The following CCDC27 variants were observed in gnomAD, a reference collection of about 807,000 sequenced individuals.
The protein encoded by CCDC27 is coiled-coil domain containing 27.
Under a neutral mutation model 80.3 loss-of-function variants are expected in CCDC27, and 80 were observed. That is an observed-to-expected ratio of 1.00 (90% CI 0.83 to 1.20). CCDC27 has a LOEUF of 1.20. Among genes scored for constraint, CCDC27 ranks in the 50% most tolerant of loss-of-function variants. CCDC27 has a pLI of 0.00. For missense variants in CCDC27, 815 were observed against 809.4 expected (o/e 1.01, Z -0.08); for synonymous variants, 342 against 334.3 (o/e 1.02, Z -0.25).
intron 11 of CCDC27, among the ~76,000 whole-genome samples, chr1:3,770,211 C>T (rs944691596): frequency 1.3e-5 from 2 of 152,166 alleles, no homozygotes; most frequent in African/African-American, 4.8e-5. Flanking sequence ...GAAGATTCTC[C>T]CACAGCAGGA....
At chr1:3,753,314 CTTTTTCTTTTTTTTT>C (rs1217486965) in intron 1 of CCDC27, among the ~76,000 whole-genome samples, 2 of 110,068 alleles carry the variant, frequency 1.8e-5, no homozygotes, top group Non-Finnish European at 3.8e-5. Flanking sequence ...TTCTTTTTTT[CTTTTTCTTTTTTTTT>C]TTTTTTTTTT....
rs1000921664 is a variant in CCDC27, at chr1:3,763,961, T to A, written c.1452+125T>A. On this transcript the variant is annotated intron_variant, in intron 8 of 11. Transcript: ENST00000294600. The surrounding 1 kb of genome is among the most constrained non-coding windows in gnomAD (Gnocchi z 7.5). ...TGATGGAGACTTTGAGCCTGGGGTG[T>A]CCAGGCAGCTGGCCCAGGGTTGTGC... is the stretch of plus-strand genomic sequence containing the variant. The A allele has an allele frequency of 8.4e-6, 12 of 1,421,714 alleles. No individual in the cohort carries two copies. The highest frequency in any genetic ancestry group is 1.1e-5 in the Non-Finnish European group (12 of 1,070,388). 88.1% of individuals were successfully genotyped at this position (1,421,714 alleles called of 1,614,324 possible). A position where few individuals can be genotyped will look rare whatever the true frequency, so the allele number is the denominator to read the frequency against.
Position 3,752,467 on chromosome 1 carries a change from C to T in CCDC27, c.-15C>T. 2 of 1,612,390 alleles carry T rather than the reference C, an allele frequency of 1.2e-6. No individual in the cohort carries two copies. The highest frequency in any genetic ancestry group is 2.2e-5 in the South Asian group (2 of 90,992). ...TGGAAGCTGATCTCCTCCCACTGCA[C>T]CAGCCAGCAGGTTCATGTTCGAGGC... On this transcript the variant is annotated 5_prime_UTR_variant, in exon 1 of 12. Coordinates refer to ENST00000294600, the MANE Select transcript of CCDC27 (RefSeq NM_152492.3).
intron 8 of CCDC27, among the ~76,000 whole-genome samples, chr1:3,764,569 A>T (rs1039527783): frequency 1.3e-5 from 2 of 152,220 alleles, no homozygotes; most frequent in Non-Finnish European, 2.9e-5. Context: ...TGTTGCACTG[A>T]CATCATTAGG....
intron 4 of CCDC27, among the ~76,000 whole-genome samples, chr1:3,758,403 G>T (rs1468159204): frequency 6.6e-6 from 1 of 151,304 alleles, no homozygotes; most frequent in African/African-American, 2.4e-5. Context: ...AGACAGGATG[G>T]TCTTGATCTC....
At chr1:3,755,800 T>C in intron 3 of CCDC27, 1 of 520,364 alleles carries the variant, frequency 1.9e-6, no homozygotes, top group Non-Finnish European at 3.5e-6. Context: ...TTAGTAAAAA[T>C]CGTAGTTGAA....
Position 3,762,658 on chromosome 1 carries a change from G to A in CCDC27, c.900G>A (p.Leu300=). ...ACGCTTCGCTGAAGCTGGGCAGGCT[G>A]AGCCTCCTGAAGGCCTTCTCCAGAC... The part of the protein sequence containing the change: ...LSDASLKLGR[L]SLLKAFSRHE... The change falls in exon 6 of 12, where the codon CTG becomes CTA. Residue 300 remains leucine, a synonymous_variant. Coordinates refer to ENST00000294600, the MANE Select transcript of CCDC27 (RefSeq NM_152492.3). 6.5e-7 allele frequency: 1 copy of A among 1,550,268 alleles called. No individual in the cohort carries two copies. Among genetic ancestry groups the A allele is most frequent in the Non-Finnish European group, 8.7e-7 (1 of 1,146,798 alleles).
chr1:3,769,191 T>C lies in CCDC27; in HGVS notation c.1744-592T>C, dbSNP rs1039748193. Among the ~76,000 whole-genome samples, 1 of 152,086 alleles carries C rather than the reference T, an allele frequency of 6.6e-6. No homozygotes were observed. The highest frequency in any genetic ancestry group is 1.5e-5 in the Non-Finnish European group (1 of 68,000). On this transcript the variant is annotated intron_variant, in intron 10 of 11. Transcript: ENST00000294600. This position sits in a 1 kb window ranked among gnomAD's most constrained non-coding sequence, Gnocchi z 4.6. ...TTCCTGGGAGGCACGATTAGCTACCTCTGGGGAGGCGGCTGCGGGTGTACA... is the reference window on the plus strand; with the variant it reads ...TTCCTGGGAGGCACGATTAGCTACCCCTGGGGAGGCGGCTGCGGGTGTACA...
At position 3,756,718 on chromosome 1, in the gene CCDC27, C is replaced by T. The variant is rs759066510; in HGVS notation, c.554-15C>T. 2.5e-6 allele frequency: 4 copies of T among 1,613,350 alleles called. No homozygotes were observed. Among genetic ancestry groups the T allele is most frequent in the South Asian group, 1.1e-5 (1 of 91,008 alleles). The stretch of plus-strand genomic sequence containing the variant: ...AAGGGTCTCATTTCTCACTTGGCCT[C>T]CGCTGTCGCCACAGGGTACCTCCTT... On this transcript the variant is annotated splice_polypyrimidine_tract_variant and intron_variant, in intron 3 of 11. Coordinates refer to ENST00000294600, the MANE Select transcript of CCDC27 (RefSeq NM_152492.3).
chr1:3,765,420 T>C (rs569682880), intron 8 of CCDC27, among the ~76,000 whole-genome samples: 1 of 152,232 alleles, frequency 6.6e-6, no homozygotes, highest in Non-Finnish European at 1.5e-5. Context: ...TATTGTTTTT[T>C]TATGGCCTTC....
rs778739204 is a variant in CCDC27, at chr1:3,763,521, C to G, written c.1321+47C>G. The G allele has an allele frequency of 1.3e-6, 2 of 1,553,230 alleles. No homozygotes were observed. Among genetic ancestry groups the G allele is most frequent in the East Asian group, 2.3e-5 (1 of 44,334 alleles). ...CTGGGCTTTGGCCACTCAGTGGTTC[C>G]CGGCCCAGGAGCTGGGACGCCCAGA... is the stretch of plus-strand genomic sequence containing the variant. On this transcript the variant is annotated intron_variant, in intron 7 of 11. Coordinates refer to ENST00000294600, the MANE Select transcript of CCDC27 (RefSeq NM_152492.3). The surrounding 1 kb of genome is among the most constrained non-coding windows in gnomAD (Gnocchi z 7.5).
rs1642967460 is a variant in CCDC27 at position 3,756,798 on chromosome 1, C to T, written c.619C>T (p.Gln207Ter). Residue 207 changes from glutamine to a stop codon, truncating the protein, a stop_gained, in exon 4 of 12, where the codon CAG becomes TAG. Transcript: ENST00000294600. LOFTEE classifies it high-confidence loss of function. ...TTACTTGCGGAAGAGGAGAAAATCCCAGACTTTGAGTCCGGTCACCAGCAG... is the reference window on the plus strand; with the variant it reads ...TTACTTGCGGAAGAGGAGAAAATCCTAGACTTTGAGTCCGGTCACCAGCAG... ...FDYLRKRRKS[Q>*]TLSPVTSSSV... 1.2e-6 allele frequency: 2 copies of T among 1,613,966 alleles called. No homozygotes were observed. The highest frequency in any genetic ancestry group is 2.2e-5 in the South Asian group (2 of 91,088).
chr1:3,768,490 C>G lies in CCDC27; in HGVS notation c.1743+1045C>G, dbSNP rs780191948. Among the ~76,000 whole-genome samples, 7 of 152,180 alleles carry G rather than the reference C, an allele frequency of 4.6e-5. No homozygotes were observed. The highest frequency in any genetic ancestry group is 1.0e-4 in the Non-Finnish European group (7 of 68,028). Reference sequence around the variant, plus strand: ...TTCCCACCAGAAATGCCAACTGCAACTCAACTGCGTCCTCTTTCCTGCTTG... The same window carrying G: ...TTCCCACCAGAAATGCCAACTGCAAGTCAACTGCGTCCTCTTTCCTGCTTG... On this transcript the variant is annotated intron_variant, in intron 10 of 11. Coordinates refer to ENST00000294600, the MANE Select transcript of CCDC27 (RefSeq NM_152492.3). This position sits in a 1 kb window ranked among gnomAD's most constrained non-coding sequence, Gnocchi z 5.6.
rs774192225 is a variant in CCDC27, at chr1:3,762,824, T to A, written c.954+112T>A. The A allele has an allele frequency of 9.4e-6, 10 of 1,067,052 alleles. No homozygotes were observed. In the East Asian group the frequency reaches 2.4e-4, roughly 25 times the overall value. The allele number at this position is 1,067,052 out of a possible 1,614,324, so 66.1% of individuals were successfully genotyped here. On this transcript the variant is annotated intron_variant, in intron 6 of 11. Coordinates refer to ENST00000294600, the MANE Select transcript of CCDC27 (RefSeq NM_152492.3). Reference sequence around the variant, plus strand: ...AAGTGTCCCTGCTGCAGCCCTGACCTGGGGTGCCCCACTCCAGGGGAGCAG... The same window carrying A: ...AAGTGTCCCTGCTGCAGCCCTGACCAGGGGTGCCCCACTCCAGGGGAGCAG...
chr1:3,767,074 C>T (rs1167233662), intron 9 of CCDC27, among the ~76,000 whole-genome samples, 159 bp from the exon 10 acceptor site: 2 of 152,090 alleles, frequency 1.3e-5, no homozygotes, highest in Non-Finnish European at 2.9e-5. Context: ...CTCTTAACCT[C>T]GTGATCCGCC....
chr1:3,764,897 T>C (rs1190982271), intron 8 of CCDC27, among the ~76,000 whole-genome samples: 4 of 151,882 alleles, frequency 2.6e-5, no homozygotes, highest in Non-Finnish European at 4.4e-5. Context: ...TTAACCGGTG[T>C]GATGGTGGAT....
Position 3,766,132 on chromosome 1 carries a change from C to T in CCDC27, c.1453-403C>T, listed in dbSNP as rs1464292119. ...CCACCCACCTCAGCCTTCTAAAGTG[C>T]TGGGATTACAGGTGTGAGCCACTGC... On this transcript the variant is annotated intron_variant, in intron 8 of 11. Transcript: ENST00000294600. This position sits in a 1 kb window ranked among gnomAD's most constrained non-coding sequence, Gnocchi z 6.1. 6.6e-6 allele frequency among the ~76,000 whole-genome samples: 1 copy of T among 152,236 alleles called. No individual in the cohort carries two copies. Among genetic ancestry groups the T allele is most frequent in the Non-Finnish European group, 1.5e-5 (1 of 68,046 alleles).
rs866088672 is a variant in CCDC27 at position 3,755,504 on chromosome 1, G to A, written c.490G>A (p.Glu164Lys). Reference sequence around the variant, plus strand: ...GTCCGGAGAGATTGACAACAGCTCGGAGACCTGGAGAGGCACCCAGGACCT... The same window carrying A: ...GTCCGGAGAGATTGACAACAGCTCGAAGACCTGGAGAGGCACCCAGGACCT... ...DLSGEIDNSS[E>K]TWRGTQDLFL... Residue 164 changes from glutamate (E) to lysine (K), a missense_variant, in exon 3 of 12, where the codon GAG (glutamate) becomes AAG (lysine). Glu to Lys is a moderately conservative substitution (Grantham distance 56). Transcript: ENST00000294600. 6.2e-7 allele frequency: 1 copy of A among 1,614,178 alleles called. No homozygotes were observed. Among genetic ancestry groups the A allele is most frequent in the Non-Finnish European group, 8.5e-7 (1 of 1,180,036 alleles).
rs542584363 is a variant in CCDC27, at chr1:3,771,570, C to T, written c.*47C>T. The T allele has an allele frequency of 8.6e-5, 138 of 1,604,560 alleles. No homozygotes were observed. In the South Asian group the frequency reaches 1.4e-3, roughly 17 times the overall value. On this transcript the variant is annotated 3_prime_UTR_variant, in exon 12 of 12. Coordinates refer to ENST00000294600, the MANE Select transcript of CCDC27 (RefSeq NM_152492.3). ...CGGTCAGCCCAGCAGAGGCCGGGGC[C>T]CAGCTCCAGAACCACCCGCCCCCAC... is the stretch of plus-strand genomic sequence containing the variant.
Sources: allele counts gnomAD v4.1 joint callset (sites outside exome capture counted in the v4.1 genomes callset), GRCh38; gene constraint gnomAD v4.1.1; non-coding constraint Gnocchi (gnomAD v3.1); transcripts MANE v1.5; gene names NCBI Gene and HGNC (gene_info 2026-07-23, HGNC 2026-07-21).